The following CNTNAP5 variants were observed in gnomAD, a reference collection of about 807,000 sequenced individuals.
The protein encoded by CNTNAP5 is contactin associated protein family member 5, also known as contactin-associated protein-like 5.
A neutral mutation model predicts 150.2 loss-of-function variants in CNTNAP5; 72 were observed. The observed-to-expected ratio is 0.48, with a 90% confidence interval of 0.40 to 0.58. The LOEUF (loss-of-function observed/expected upper bound fraction) is 0.58, where lower values mean the gene tolerates loss of function less well. Among genes scored for constraint, CNTNAP5 ranks in the 20% least tolerant of loss-of-function variants. CNTNAP5 has a pLI of 0.00. For missense variants in CNTNAP5, 1,636 were observed against 1,626.2 expected (o/e 1.01, Z -0.10); for synonymous variants, 672 against 619.8 (o/e 1.08, Z -1.25).
chr2:124,717,507 C>T (rs1321455584), intron 13 of CNTNAP5, among the ~76,000 whole-genome samples: 2 of 152,148 alleles, frequency 1.3e-5, no homozygotes, highest in African/African-American at 4.8e-5. Flanking sequence ...TCAGTGTTCC[C>T]CCAAACCCTG....
chr2:124,916,769 A>G lies in CNTNAP5; in HGVS notation c.*2481A>G, dbSNP rs1678777621. 6.6e-6 allele frequency among the ~76,000 whole-genome samples: 1 copy of G among 151,980 alleles called. No homozygotes were observed. The highest frequency in any genetic ancestry group is 1.5e-5 in the Non-Finnish European group (1 of 67,964). On this transcript the variant is annotated 3_prime_UTR_variant, in exon 24 of 24. Coordinates refer to ENST00000682447, the MANE Select transcript of CNTNAP5 (RefSeq NM_001367498.1). Reference sequence around the variant, plus strand: ...TTCCTCACGTGTGTAGACTCCATGCACACTACATACCACAGACCTAAATGT... The same window carrying G: ...TTCCTCACGTGTGTAGACTCCATGCGCACTACATACCACAGACCTAAATGT...
intron 11 of CNTNAP5, among the ~76,000 whole-genome samples, chr2:124,592,044 T>C (rs1446100909): frequency 6.6e-6 from 1 of 152,170 alleles, no homozygotes; most frequent in Non-Finnish European, 1.5e-5. Context: ...TAGTGTTACG[T>C]GTGGGGATGC....
intron 12 of CNTNAP5, among the ~76,000 whole-genome samples, chr2:124,632,111 A>G (rs1677872757): frequency 6.6e-6 from 1 of 152,186 alleles, no homozygotes; most frequent in South Asian, 2.1e-4. Context: ...GTGGGAATCT[A>G]AATTAGTTCA....
chr2:124,831,173 A>C (rs533062495), intron 19 of CNTNAP5, among the ~76,000 whole-genome samples: 1 of 152,104 alleles, frequency 6.6e-6, no homozygotes, highest in East Asian at 1.9e-4. Flanking sequence ...TCTTTCATAC[A>C]TTCTCTTTTC....
rs775097736 is a variant in CNTNAP5, at chr2:124,424,032, CATT to C, written c.529+6445_529+6447del. Among the ~76,000 whole-genome samples the C allele has an allele frequency of 2.6e-5, 4 of 152,178 alleles. No homozygotes were observed. In the East Asian group the frequency reaches 5.8e-4, roughly 22 times the overall value. ...AATGATCTGTCAGGCCTCCCAGTCT[CATT>C]ATGAATTACAAACATCATTTTGTAC... On this transcript the variant is annotated intron_variant, in intron 4 of 23. Transcript: ENST00000682447.
At chr2:124,191,913 G>A (rs78209078) in intron 1 of CNTNAP5, among the ~76,000 whole-genome samples, 2 of 150,190 alleles carry the variant, frequency 1.3e-5, no homozygotes, top group African/African-American at 4.9e-5. Context: ...AAAAAAAAAA[G>A]CAAAGAAAAA....
chr2:124,893,911 A>C (rs573487553), intron 21 of CNTNAP5, among the ~76,000 whole-genome samples: 106 of 152,278 alleles, frequency 7.0e-4, no homozygotes, highest in African/African-American at 2.0e-3. Flanking sequence ...ATTTCATAAA[A>C]ATGTATATGA....
At chr2:124,382,909 T>C (rs1690833026) in intron 3 of CNTNAP5, among the ~76,000 whole-genome samples, 1 of 152,190 alleles carries the variant, frequency 6.6e-6, no homozygotes, top group African/African-American at 2.4e-5. Context: ...GATTTTTTTT[T>C]CTTTTAAAGT....
At chr2:124,627,481 G>GACCT (rs1454193110) in intron 12 of CNTNAP5, among the ~76,000 whole-genome samples, 32 of 132,760 alleles carry the variant, frequency 2.4e-4, no homozygotes, top group African/African-American at 7.7e-4. Context: ...GCAGAAGAAA[G>GACCT]GCCTGTTAGA....
intron 11 of CNTNAP5, among the ~76,000 whole-genome samples, chr2:124,600,206 A>G (rs1294627668): frequency 6.7e-6 from 1 of 150,252 alleles, no homozygotes; most frequent in Non-Finnish European, 1.5e-5. Context: ...TTTTATTTTT[A>G]TTTTTTAATG....
intron 1 of CNTNAP5, among the ~76,000 whole-genome samples, chr2:124,187,601 T>A (rs750408536): frequency 1.3e-5 from 2 of 152,142 alleles, no homozygotes; most frequent in Non-Finnish European, 1.5e-5. Context: ...GCTGTCAACA[T>A]CAGCATTTCT....
intron 19 of CNTNAP5, among the ~76,000 whole-genome samples, chr2:124,815,436 G>T (rs983590740): frequency 6.6e-6 from 1 of 152,192 alleles, no homozygotes; most frequent in Non-Finnish European, 1.5e-5. Flanking sequence ...GCTTTGTCAT[G>T]CTGAAGCCAG....
At chr2:124,653,919 C>CCG (rs1553427461) in intron 13 of CNTNAP5, among the ~76,000 whole-genome samples, 2 of 138,902 alleles carry the variant, frequency 1.4e-5, no homozygotes, top group South Asian at 2.6e-4. Flanking sequence ...CAACCCCCCC[C>CCG]CCCCGCCACA....
At chr2:124,170,968 C>T (rs1287719040) in intron 1 of CNTNAP5, among the ~76,000 whole-genome samples, 4 of 152,162 alleles carry the variant, frequency 2.6e-5, no homozygotes, top group Non-Finnish European at 5.9e-5. Context: ...GTGTTCTGAT[C>T]CATTAGCCAT....
chr2:124,603,004 T>C (rs1284100334), intron 11 of CNTNAP5, among the ~76,000 whole-genome samples: 1 of 32,192 alleles, frequency 3.1e-5, no homozygotes, highest in East Asian at 3.1e-4. Flanking sequence ...CTTCCCTCTC[T>C]CCCTCCCTCC....
intron 2 of CNTNAP5, among the ~76,000 whole-genome samples, chr2:124,228,713 A>G (rs915038155): frequency 6.6e-6 from 1 of 152,168 alleles, no homozygotes; most frequent in African/African-American, 2.4e-5. Flanking sequence ...TGTTTTCTTA[A>G]CACATTTATT....
intron 10 of CNTNAP5, among the ~76,000 whole-genome samples, chr2:124,535,077 AC>A (rs1695198983): frequency 6.6e-6 from 1 of 152,110 alleles, no homozygotes; most frequent in African/African-American, 2.4e-5. Flanking sequence ...TTACAATTGA[AC>A]CTCACAATCT....
intron 16 of CNTNAP5, among the ~76,000 whole-genome samples, chr2:124,766,728 A>G (rs1681076692): frequency 6.6e-6 from 1 of 152,186 alleles, no homozygotes; most frequent in African/African-American, 2.4e-5. Flanking sequence ...TGGCCTTTTG[A>G]TTCATTAAAG....
intron 13 of CNTNAP5, among the ~76,000 whole-genome samples, chr2:124,705,533 AAT>A (rs66754427): frequency 0.16 from 24,324 of 151,582 alleles, 2,177 homozygotes; most frequent in East Asian, 0.24. Flanking sequence ...ATCTCAAAAA[AAT>A]AAAAATAATA....
Sources: allele counts gnomAD v4.1 joint callset (sites outside exome capture counted in the v4.1 genomes callset), GRCh38; gene constraint gnomAD v4.1.1; transcripts MANE v1.5; gene names NCBI Gene and HGNC (gene_info 2026-07-23, HGNC 2026-07-21).